Variants in NSMCE2 observed in about 807,000 individuals in gnomAD.
The protein encoded by NSMCE2 is E3 SUMO-protein ligase NSE2.
In NSMCE2, 24 loss-of-function variants were observed where a neutral mutation model predicts 23.8. The observed-to-expected ratio is 1.01, with a 90% CI of 0.73 to 1.42. The LOEUF is 1.42. Among genes scored for constraint, NSMCE2 ranks in the 40% most tolerant of loss-of-function variants. The pLI is 0.00. For synonymous variants in NSMCE2, 92 were observed against 94.1 expected (o/e 0.98, Z 0.13); for missense variants, 284 against 296.5 (o/e 0.96, Z 0.31).
In NSMCE2 at chr8:125,296,071, A is replaced by T. The variant is rs535092183; in HGVS notation, c.419-61148A>T. 2.6e-5 allele frequency among the ~76,000 whole-genome samples: 4 copies of T among 152,348 alleles called. 1 individual carries two copies. The highest frequency in any genetic ancestry group is 1.3e-4 in the Admixed American group (2 of 15,306). On this transcript the variant is annotated intron_variant, in intron 5 of 7. Coordinates refer to ENST00000287437, the MANE Select transcript of NSMCE2 (RefSeq NM_173685.4). ...TAGCTCTTGATTAATTAAAAAAAAT[A>T]GCTAGCACTTATTAAACATTTACTA...
chr8:125,217,142 T>C (rs1438040199), intron 5 of NSMCE2, among the ~76,000 whole-genome samples: 1 of 152,178 alleles, frequency 6.6e-6, no homozygotes, highest in Non-Finnish European at 1.5e-5. Flanking sequence ...TCCACCTTTT[T>C]ACCACCAAGC....
At chr8:125,108,425 G>A (rs540188607) in intron 3 of NSMCE2, among the ~76,000 whole-genome samples, 1 of 152,336 alleles carries the variant, frequency 6.6e-6, no homozygotes, top group South Asian at 2.1e-4. Flanking sequence ...TACTAAGGCA[G>A]CCAGTATCAG....
At chr8:125,100,096 A>T (rs544234700) in intron 1 of NSMCE2, among the ~76,000 whole-genome samples, 1 of 152,144 alleles carries the variant, frequency 6.6e-6, no homozygotes, top group East Asian at 1.9e-4. Flanking sequence ...ATGAGAACTG[A>T]TGCTGATAGG....
intron 5 of NSMCE2, among the ~76,000 whole-genome samples, chr8:125,202,019 G>C (rs953978279): frequency 2.6e-5 from 4 of 152,246 alleles, no homozygotes; most frequent in Non-Finnish European, 5.9e-5. Context: ...GACCTGCCAA[G>C]CCAGGCACAG....
intron 5 of NSMCE2, among the ~76,000 whole-genome samples, chr8:125,355,407 A>G (rs922032526): frequency 2.6e-5 from 4 of 152,198 alleles, no homozygotes; most frequent in African/African-American, 9.6e-5. Context: ...TTAGAAAGCT[A>G]CTGATCTTTT....
At chr8:125,157,754 A>C (rs1821400111) in intron 4 of NSMCE2, among the ~76,000 whole-genome samples, 1 of 152,220 alleles carries the variant, frequency 6.6e-6, no homozygotes, top group African/African-American at 2.4e-5. Flanking sequence ...ATAGAAATCC[A>C]TCATAGTATT....
Position 125,334,049 on chromosome 8 carries a change from C to A in NSMCE2, c.419-23170C>A, listed in dbSNP as rs558350246. Among the ~76,000 whole-genome samples the A allele has an allele frequency of 3.9e-5, 6 of 152,282 alleles. No homozygotes were observed. The South Asian group carries it at 1.2e-3, about 32-fold the overall frequency. On this transcript the variant is annotated intron_variant, in intron 5 of 7. Coordinates refer to ENST00000287437, the MANE Select transcript of NSMCE2 (RefSeq NM_173685.4). ...ACTCAGGATAAACAGACAAAGTTGTCTGTGTCTGTACTTTCTCATCTGTAC... is the reference window on the plus strand; with the variant it reads ...ACTCAGGATAAACAGACAAAGTTGTATGTGTCTGTACTTTCTCATCTGTAC...
intron 4 of NSMCE2, among the ~76,000 whole-genome samples, chr8:125,155,046 T>C (rs1375168237): frequency 6.6e-6 from 1 of 152,234 alleles, no homozygotes; most frequent in Non-Finnish European, 1.5e-5. Context: ...CAGGCACTTC[T>C]AGTTGCAAGA....
intron 5 of NSMCE2, among the ~76,000 whole-genome samples, chr8:125,291,460 A>G (rs549401290): frequency 6.6e-6 from 1 of 152,348 alleles, no homozygotes; most frequent in Admixed American, 6.5e-5. Flanking sequence ...TAACAGTTCT[A>G]TGAGCTGGTC....
chr8:125,196,888 G>T (rs191071097), intron 5 of NSMCE2, among the ~76,000 whole-genome samples: 2 of 152,018 alleles, frequency 1.3e-5, no homozygotes, highest in African/African-American at 4.8e-5. Flanking sequence ...TTTAATGATC[G>T]CCATTCTAAC....
chr8:125,306,359 T>TAA (rs199582077), intron 5 of NSMCE2, among the ~76,000 whole-genome samples: 14 of 144,788 alleles, frequency 9.7e-5, no homozygotes, highest in African/African-American at 2.8e-4. Flanking sequence ...TTATATATAT[T>TAA]AAAAAAAAAA....
At chr8:125,161,440 TC>T (rs2130727468) in intron 4 of NSMCE2, among the ~76,000 whole-genome samples, 1 of 152,290 alleles carries the variant, frequency 6.6e-6, no homozygotes, top group East Asian at 1.9e-4. Context: ...CTTCAAATTA[TC>T]ATTTAGTCAT....
intron 7 of NSMCE2, among the ~76,000 whole-genome samples, chr8:125,360,406 G>C (rs1813483604): frequency 6.6e-6 from 1 of 152,156 alleles, no homozygotes; most frequent in Non-Finnish European, 1.5e-5. Flanking sequence ...AGCAAGGCAG[G>C]ACCCGCACCT....
At chr8:125,184,878 G>A (rs957222614) in intron 5 of NSMCE2, among the ~76,000 whole-genome samples, 2 of 151,942 alleles carry the variant, frequency 1.3e-5, no homozygotes, top group Non-Finnish European at 2.9e-5. Context: ...ATGTTCTGGC[G>A]GCAAGGAATT....
intron 5 of NSMCE2, among the ~76,000 whole-genome samples, chr8:125,232,972 G>A (rs556816150): frequency 1.3e-5 from 2 of 152,314 alleles, no homozygotes; most frequent in Non-Finnish European, 2.9e-5. Flanking sequence ...CATTGCAAAA[G>A]AATGGTCACA....
rs111389551 is a variant in NSMCE2 at position 125,295,604 on chromosome 8, G to T, written c.419-61615G>T. 2.3e-3 allele frequency among the ~76,000 whole-genome samples: 347 copies of T among 152,208 alleles called. 1 individual carries two copies. The highest frequency in any genetic ancestry group is 7.9e-3 in the African/African-American group (326 of 41,522). ...TTGGGAAGTTCTGAGAGGGACAAAG[G>T]GGGTAAAGAACTGAGAGTGGATCAT... On this transcript the variant is annotated intron_variant, in intron 5 of 7. Coordinates refer to ENST00000287437, the MANE Select transcript of NSMCE2 (RefSeq NM_173685.4).
intron 5 of NSMCE2, among the ~76,000 whole-genome samples, chr8:125,293,052 G>A (rs1828176139): frequency 6.6e-6 from 1 of 152,222 alleles, no homozygotes; most frequent in Non-Finnish European, 1.5e-5. Flanking sequence ...ATATGCTCTT[G>A]TCCATGATGA....
chr8:125,306,119 A>G (rs1196792935), intron 5 of NSMCE2, among the ~76,000 whole-genome samples: 1 of 152,002 alleles, frequency 6.6e-6, no homozygotes, highest in Non-Finnish European at 1.5e-5. Flanking sequence ...CTTGAGCCCA[A>G]GAGCTCAAGA....
At chr8:125,140,861 A>T (rs954275625) in intron 3 of NSMCE2, among the ~76,000 whole-genome samples, 1 of 152,144 alleles carries the variant, frequency 6.6e-6, no homozygotes, top group Non-Finnish European at 1.5e-5. Context: ...TGCCTGGGAA[A>T]TGCTCTTGTG....
Sources: allele counts gnomAD v4.1 joint callset (sites outside exome capture counted in the v4.1 genomes callset), GRCh38; gene constraint gnomAD v4.1.1; transcripts MANE v1.5; gene names NCBI Gene and HGNC (gene_info 2026-07-23, HGNC 2026-07-21).